Variants in TLN2 observed in about 807,000 individuals in gnomAD.
TLN2 encodes the protein talin 2, also known as talin-2.
Under a neutral mutation model 294.7 loss-of-function variants are expected in TLN2, and 118 were observed. The observed-to-expected ratio is 0.40, with a 90% CI of 0.34 to 0.47. The LOEUF is 0.47. TLN2 is among the 20% of genes least tolerant of loss of function. The probability of loss-of-function intolerance (pLI) is 0.84; values close to 1 mark genes in which losing one functional copy is unlikely to be tolerated. For missense variants in TLN2, 3,083 were observed against 3,282.2 expected (o/e 0.94, Z 1.48); for synonymous variants, 1,431 against 1,304.5 (o/e 1.10, Z -2.09).
In TLN2 at chr15:62,433,857, C is replaced by T. The variant is rs142693803; in HGVS notation, c.-238+43172C>T. Among the ~76,000 whole-genome samples, 142 of 152,098 alleles carry T rather than the reference C, an allele frequency of 9.3e-4. 1 individual carries two copies. Among genetic ancestry groups the T allele is most frequent in the African/African-American group, 3.2e-3 (133 of 41,494 alleles). On this transcript the variant is annotated intron_variant, in intron 1 of 58. Transcript: ENST00000636159. ...TACAAAAATTAGCCAGGAGTGATGG[C>T]AGGTACCTGTAATCCCAGCTACTCA... is the stretch of plus-strand genomic sequence containing the variant.
At position 62,758,210 on chromosome 15, in the gene TLN2, C is replaced by T. The variant is rs146567987; in HGVS notation, c.4638+2517C>T. On this transcript the variant is annotated intron_variant, in intron 37 of 58. Coordinates refer to ENST00000636159, the MANE Select transcript of TLN2 (RefSeq NM_015059.3). ...GCACGAGGGAGCAGGAGCAGATTAC[C>T]TCACACAGTGGCTCATCGGCATCAG... Among the ~76,000 whole-genome samples the T allele has an allele frequency of 5.9e-3, 903 of 152,234 alleles. 12 individuals are homozygous for T. The highest frequency in any genetic ancestry group is 0.021 in the African/African-American group (857 of 41,542).
intron 21 of TLN2, 88 bp from the exon 22 acceptor site, chr15:62,711,823 A>G: frequency 1.4e-6 from 2 of 1,423,216 alleles, no homozygotes; most frequent in East Asian, 2.3e-5. Flanking sequence ...TTACCAGAGG[A>G]GTAGAGACAA....
intron 32 of TLN2, among the ~76,000 whole-genome samples, chr15:62,742,674 G>A (rs1295765549): frequency 6.6e-6 from 1 of 152,190 alleles, no homozygotes; most frequent in Non-Finnish European, 1.5e-5. Flanking sequence ...GCTTTTAGCA[G>A]TTGACGGAGA....
At chr15:62,540,132 G>C (rs960288561) in intron 1 of TLN2, among the ~76,000 whole-genome samples, 9 of 152,080 alleles carry the variant, frequency 5.9e-5, no homozygotes, top group African/African-American at 1.7e-4. Context: ...CTGAGGTCAG[G>C]AGTTCGAGAC....
At position 62,390,666 on chromosome 15, in the gene TLN2, G is replaced by A. The variant is rs1278276315; in HGVS notation, c.-257G>A. 1 of 152,120 alleles carries A rather than the reference G, an allele frequency of 6.6e-6. No homozygotes were observed. Among genetic ancestry groups the A allele is most frequent in the Non-Finnish European group, 1.5e-5 (1 of 68,012 alleles). 9.4% of individuals were successfully genotyped at this position (152,120 alleles called of 1,614,324 possible). On this transcript the variant is annotated 5_prime_UTR_variant, in exon 1 of 59. Coordinates refer to ENST00000636159, the MANE Select transcript of TLN2 (RefSeq NM_015059.3). Reference sequence around the variant, plus strand: ...CTCCCGGGCAGGCGCTCTGCAATGAGACAGTAAATGCATCCCCCGGTAAGG... The same window carrying A: ...CTCCCGGGCAGGCGCTCTGCAATGAAACAGTAAATGCATCCCCCGGTAAGG...
intron 2 of TLN2, 126 bp downstream of exon 2, chr15:62,589,888 C>G (rs1165690784): frequency 6.6e-6 from 1 of 152,176 alleles, no homozygotes; most frequent in Non-Finnish European, 1.5e-5. Context: ...TGTGGTTTTG[C>G]GAGGCAGGTG....
chr15:62,660,775 A>G (rs781569258), intron 9 of TLN2, among the ~76,000 whole-genome samples: 1 of 152,208 alleles, frequency 6.6e-6, no homozygotes, highest in Non-Finnish European at 1.5e-5. Context: ...TGTGTCAGGT[A>G]CAGGGAAGAT....
At chr15:62,622,474 T>C (rs1162639700) in intron 3 of TLN2, among the ~76,000 whole-genome samples, 1 of 152,164 alleles carries the variant, frequency 6.6e-6, no homozygotes, top group Non-Finnish European at 1.5e-5. Context: ...ATGTGTGATC[T>C]GTCCTGTTAT....
At chr15:62,483,232 A>G (rs2038205519) in intron 1 of TLN2, among the ~76,000 whole-genome samples, 1 of 152,156 alleles carries the variant, frequency 6.6e-6, no homozygotes, top group South Asian at 2.1e-4. Flanking sequence ...TTCTGCAGGC[A>G]TCTCTGGCAG....
intron 9 of TLN2, among the ~76,000 whole-genome samples, chr15:62,670,384 A>G (rs62004578): frequency 1.3e-5 from 2 of 152,196 alleles, no homozygotes; most frequent in Non-Finnish European, 2.9e-5. Flanking sequence ...CCTTCAGCTA[A>G]GTCTTTACCT....
At chr15:62,588,039 C>T (rs1216451724) in intron 1 of TLN2, among the ~76,000 whole-genome samples, 1 of 152,080 alleles carries the variant, frequency 6.6e-6, no homozygotes, top group East Asian at 1.9e-4. Flanking sequence ...CACCACCACC[C>T]CTGGCTAATT....
At chr15:62,781,805 G>C (rs1433607379) in intron 44 of TLN2, among the ~76,000 whole-genome samples, 1 of 152,056 alleles carries the variant, frequency 6.6e-6, no homozygotes, top group East Asian at 1.9e-4. Flanking sequence ...GTAATGTTTT[G>C]GTTTGGTTTG....
intron 22 of TLN2, among the ~76,000 whole-genome samples, chr15:62,712,766 G>C (rs1403322049): frequency 6.6e-6 from 1 of 152,118 alleles, no homozygotes; most frequent in African/African-American, 2.4e-5. Context: ...ATGTGTTTAA[G>C]TTCTTCAGGA....
At chr15:62,795,916 G>A (rs940179633) in intron 46 of TLN2, among the ~76,000 whole-genome samples, 1 of 152,156 alleles carries the variant, frequency 6.6e-6, no homozygotes, top group Non-Finnish European at 1.5e-5. Context: ...AGGAAACTGA[G>A]GTTTGGAGAG....
chr15:62,522,644 G>T (rs534074739), intron 1 of TLN2, among the ~76,000 whole-genome samples: 1 of 152,116 alleles, frequency 6.6e-6, no homozygotes, highest in African/African-American at 2.4e-5. Context: ...TTTCTGACTT[G>T]TTAACCCCCG....
intron 52 of TLN2, among the ~76,000 whole-genome samples, chr15:62,819,010 C>A (rs2067339271): frequency 6.6e-6 from 1 of 151,968 alleles, no homozygotes. Flanking sequence ...TGTGTGCCAC[C>A]ATGCCCAGCC....
At chr15:62,574,502 GC>G (rs1472134601) in intron 1 of TLN2, among the ~76,000 whole-genome samples, 2 of 141,572 alleles carry the variant, frequency 1.4e-5, no homozygotes, top group Non-Finnish European at 3.0e-5. Context: ...GAGTGTTTGA[GC>G]CCAGGTGTTT....
At chr15:62,445,245 A>G (rs1240700463) in intron 1 of TLN2, among the ~76,000 whole-genome samples, 1 of 152,138 alleles carries the variant, frequency 6.6e-6, no homozygotes, top group Non-Finnish European at 1.5e-5. Context: ...GATAGGAATC[A>G]CCTGTGGCTT....
intron 11 of TLN2, among the ~76,000 whole-genome samples, chr15:62,679,629 T>G (rs1344417660): frequency 1.3e-5 from 2 of 152,200 alleles, no homozygotes; most frequent in African/African-American, 4.8e-5. Context: ...GATAGGGGAA[T>G]GATGGCTAAA....
Sources: allele counts gnomAD v4.1 joint callset (sites outside exome capture counted in the v4.1 genomes callset), GRCh38; gene constraint gnomAD v4.1.1; transcripts MANE v1.5; gene names NCBI Gene and HGNC (gene_info 2026-07-23, HGNC 2026-07-21).